STPG2: variants seen among roughly 807,000 people sequenced by gnomAD.
The protein encoded by STPG2 is sperm tail PG-rich repeat containing 2.
A neutral mutation model predicts 54.2 loss-of-function variants in STPG2; 56 were observed. The observed-to-expected ratio is 1.03, with a 90% CI of 0.83 to 1.29. The LOEUF (loss-of-function observed/expected upper bound fraction) is 1.29, where lower values mean the gene tolerates loss of function less well. Ranked by LOEUF, STPG2 falls within the 50% of genes most tolerant of loss-of-function variation. The probability of loss-of-function intolerance (pLI) is 0.00; values close to 1 mark genes in which losing one functional copy is unlikely to be tolerated. For synonymous variants in STPG2, 200 were observed against 181.8 expected (o/e 1.10, Z -0.81); for missense variants, 596 against 544.9 (o/e 1.09, Z -0.93).
At chr4:98,085,829 G>A (rs920145026) in intron 5 of STPG2, among the ~76,000 whole-genome samples, 6 of 151,950 alleles carry the variant, frequency 3.9e-5, no homozygotes, top group African/African-American at 1.2e-4. Context: ...CCAAGGAAAT[G>A]AGTCTATAAT....
intron 4 of STPG2, among the ~76,000 whole-genome samples, chr4:97,447,757 G>A (rs1036458440): frequency 6.6e-6 from 1 of 152,220 alleles, no homozygotes; most frequent in Non-Finnish European, 1.5e-5. Context: ...CTTTCGCAGG[G>A]TCAGAGCCCT....
intron 8 of STPG2, among the ~76,000 whole-genome samples, chr4:97,848,673 T>C (rs996890242): frequency 1.3e-5 from 2 of 152,210 alleles, no homozygotes; most frequent in Non-Finnish European, 2.9e-5. Context: ...AATTGATTTT[T>C]GTATAAGGTG....
chr4:97,790,737 TC>T (rs1465050326), intron 9 of STPG2, among the ~76,000 whole-genome samples: 1 of 152,160 alleles, frequency 6.6e-6, no homozygotes, highest in African/African-American at 2.4e-5. Context: ...TCTTCTACCT[TC>T]CTCTTCTAAT....
intron 10 of STPG2, among the ~76,000 whole-genome samples, chr4:97,624,356 G>A (rs537369643): frequency 1.7e-3 from 262 of 152,174 alleles, no homozygotes; most frequent in Non-Finnish European, 3.1e-3. Context: ...GTTTTTATTT[G>A]CATTTCTCTA....
chr4:97,913,320 C>G (rs1390910243), intron 8 of STPG2, among the ~76,000 whole-genome samples: 1 of 151,994 alleles, frequency 6.6e-6, no homozygotes, highest in African/African-American at 2.4e-5. Flanking sequence ...CTGTATTTTC[C>G]AATACTTACA....
At chr4:97,492,881 A>G (rs554176210) in intron 4 of STPG2, among the ~76,000 whole-genome samples, 1 of 150,164 alleles carries the variant, frequency 6.7e-6, no homozygotes, top group Non-Finnish European at 1.5e-5. Flanking sequence ...AAAATCTCCC[A>G]TTCCTAATCT....
At chr4:97,947,156 G>T (rs1733260613) in intron 7 of STPG2, among the ~76,000 whole-genome samples, 1 of 151,848 alleles carries the variant, frequency 6.6e-6, no homozygotes, top group Admixed American at 6.6e-5. Context: ...AGCTAAAGGA[G>T]ATTGAGTTTA....
intron 9 of STPG2, among the ~76,000 whole-genome samples, chr4:97,783,571 C>G (rs1386825251): frequency 6.6e-6 from 1 of 152,188 alleles, no homozygotes; most frequent in East Asian, 1.9e-4. Flanking sequence ...AATCCCATTA[C>G]TGGGTATATA....
chr4:98,013,163 G>C (rs977910080), intron 5 of STPG2, among the ~76,000 whole-genome samples: 1 of 152,166 alleles, frequency 6.6e-6, no homozygotes, highest in Non-Finnish European at 1.5e-5. Flanking sequence ...AACATGAAGG[G>C]ATATTGGATT....
intron 5 of STPG2, among the ~76,000 whole-genome samples, chr4:98,057,553 G>A (rs1737519745): frequency 6.6e-6 from 1 of 152,102 alleles, no homozygotes; most frequent in South Asian, 2.1e-4. Context: ...GGGAAATATG[G>A]GATATTGTAA....
At chr4:97,778,909 T>G (rs1726488388) in intron 9 of STPG2, among the ~76,000 whole-genome samples, 1 of 151,998 alleles carries the variant, frequency 6.6e-6, no homozygotes, top group African/African-American at 2.4e-5. Flanking sequence ...AGAAAGGACA[T>G]CCACACCAAA....
At chr4:97,696,179 T>A (rs937119462) in intron 10 of STPG2, among the ~76,000 whole-genome samples, 2 of 152,028 alleles carry the variant, frequency 1.3e-5, no homozygotes, top group Non-Finnish European at 2.9e-5. Context: ...CATAGACAAA[T>A]GAAACATAAT....
intron 10 of STPG2, among the ~76,000 whole-genome samples, chr4:97,709,619 A>G (rs1724049881): frequency 6.6e-6 from 1 of 151,756 alleles, no homozygotes; most frequent in Non-Finnish European, 1.5e-5. Flanking sequence ...AGTTTCTTCT[A>G]TTTAGCTTTT....
intron 9 of STPG2, among the ~76,000 whole-genome samples, chr4:97,782,714 A>G (rs1377785004): frequency 1.3e-5 from 2 of 152,200 alleles, no homozygotes; most frequent in African/African-American, 4.8e-5. Flanking sequence ...ACCACATGGT[A>G]CTGGTACCAA....
Position 98,005,838 on chromosome 4 carries a change from T to C in STPG2, c.613-24520A>G, listed in dbSNP as rs1157189801. ...TGTTAGCCTGTAATATTCTTTTTTATAGTGTCCTTGTCTGGCTTTGCTATC... is the reference window on the plus strand; with the variant it reads ...TGTTAGCCTGTAATATTCTTTTTTACAGTGTCCTTGTCTGGCTTTGCTATC... On this transcript the variant is annotated intron_variant, in intron 5 of 10. Transcript: ENST00000295268. 2.0e-5 allele frequency among the ~76,000 whole-genome samples: 3 copies of C among 152,298 alleles called. No homozygotes were observed. The East Asian group carries it at 5.8e-4, about 29-fold the overall frequency.
At chr4:97,517,220 T>C (rs931771962) in intron 4 of STPG2, among the ~76,000 whole-genome samples, 9 of 152,028 alleles carry the variant, frequency 5.9e-5, no homozygotes, top group Non-Finnish European at 1.2e-4. Context: ...TTTAAAAATA[T>C]TTATTGGGCT....
At chr4:97,872,014 T>G (rs1325262179) in intron 8 of STPG2, among the ~76,000 whole-genome samples, 2 of 151,106 alleles carry the variant, frequency 1.3e-5, no homozygotes, top group Non-Finnish European at 3.0e-5. Flanking sequence ...TAATACACCA[T>G]GTTAATATCT....
chr4:97,564,011 C>A (rs1016083277), intron 10 of STPG2, among the ~76,000 whole-genome samples: 13 of 152,144 alleles, frequency 8.5e-5, no homozygotes, highest in African/African-American at 3.1e-4. Flanking sequence ...GTCTGTTGAT[C>A]TGTCTAATGT....
intron 5 of STPG2, among the ~76,000 whole-genome samples, chr4:97,993,545 A>ATTT (rs71588926): frequency 9.1e-5 from 13 of 142,238 alleles, no homozygotes; most frequent in African/African-American, 3.0e-4. Context: ...TTTCTTTTCT[A>ATTT]TTTTTTTTTT....
Sources: gnomAD v4.1 joint callset for allele counts (sites outside exome capture counted in the v4.1 genomes callset) on GRCh38, gnomAD v4.1.1 for gene constraint, MANE v1.5 for transcripts, NCBI Gene and HGNC (gene_info 2026-07-23, HGNC 2026-07-21) for gene names.